Variants in MRPL14 observed in about 807,000 individuals in gnomAD.
The protein encoded by MRPL14 is mitochondrial ribosomal protein L14, also known as large ribosomal subunit protein uL14m.
In MRPL14, 8 loss-of-function variants were observed where a neutral mutation model predicts 10.9. The ratio of observed to expected loss-of-function variants is 0.74; its 90% CI spans 0.43 to 1.33. MRPL14 has a LOEUF of 1.33. MRPL14 is among the 40% of genes most tolerant of loss of function. The pLI, the probability that MRPL14 is intolerant of heterozygous loss-of-function variation, is 0.01. For missense variants in MRPL14, 179 were observed against 194.5 expected, an observed-to-expected ratio of 0.92 and a Z score of 0.47; for synonymous variants, 82 against 74.1, an observed-to-expected ratio of 1.11 and a Z score of -0.54.
chr6:44,127,168 AC>A (rs72348651), intron 1 of MRPL14, 175 bp downstream of exon 1: 7,368 of 79,482 alleles, frequency 0.093, 443 homozygotes, highest in East Asian at 0.28. Context: ...CCCCGTCGGG[AC>A]CCCCCTCCCC....
chr6:44,123,804 G>A (rs1411613746), intron 1 of MRPL14, among the ~76,000 whole-genome samples: 3 of 152,138 alleles, frequency 2.0e-5, no homozygotes, highest in Non-Finnish European at 4.4e-5. Flanking sequence ...TCAGGGGTTG[G>A]GGATTGCAGT....
At position 44,114,113 on chromosome 6, in the gene MRPL14, G is replaced by GC; in HGVS notation, c.167dup (p.Cys57LeufsTer6). ...CATTCTTCTTATAGACATGGATGCA[G>GC]CGAGGAGCCCGATGGTATGGGCTGT... On this transcript the variant is annotated frameshift_variant, in exon 3 of 3. Transcript: ENST00000372014. LOFTEE classifies it high-confidence loss of function. 1 of 1,614,200 alleles carries GC rather than the reference G, an allele frequency of 6.2e-7. No homozygotes were observed. Among genetic ancestry groups the GC allele is most frequent in the Non-Finnish European group, 8.5e-7 (1 of 1,180,044 alleles).
intron 1 of MRPL14, 129 bp from the exon 2 acceptor site, chr6:44,116,758 A>G: frequency 1.5e-6 from 1 of 655,456 alleles, no homozygotes; most frequent in East Asian, 2.8e-5. Flanking sequence ...TATAAATCTT[A>G]GTGGTTAAAG....
At chr6:44,122,284 T>C (rs896051176) in intron 1 of MRPL14, among the ~76,000 whole-genome samples, 1 of 152,046 alleles carries the variant, frequency 6.6e-6, no homozygotes, top group East Asian at 1.9e-4. Flanking sequence ...GGGGTTTCAC[T>C]GTGTTAGCCA....
In MRPL14 at chr6:44,114,085, C is replaced by T. The variant is rs1775598244; in HGVS notation, c.196G>A (p.Val66Met). 1.2e-6 allele frequency: 2 copies of T among 1,614,116 alleles called. No homozygotes were observed. Among genetic ancestry groups the T allele is most frequent in the East Asian group, 2.2e-5 (1 of 44,898 alleles). ...AGTATCTGGTCGCCCACCTTGCCCA[C>T]TCCATTCTTCTTATAGACATGGATG... ...RCIHVYKKNG[V>M]GKVGDQILLA... The change falls in exon 3 of 3, where the codon GTG (valine) becomes ATG (methionine). Residue 66 changes from valine (V) to methionine (M), a missense_variant. Coordinates refer to ENST00000372014, the MANE Select transcript of MRPL14 (RefSeq NM_032111.4).
Position 44,114,212 on chromosome 6 carries a change from G to A in MRPL14, c.72-3C>T. 6.3e-7 allele frequency: 1 copy of A among 1,599,794 alleles called. No individual in the cohort carries two copies. The highest frequency in any genetic ancestry group is 2.2e-5 in the East Asian group (1 of 44,600). ...TCGCACTCAGACTCCCAGTGGTGCT[G>A]GTGGGAGGAAAAAAAAAAGTCTGCA... On this transcript the variant is annotated splice_region_variant and splice_polypyrimidine_tract_variant and intron_variant, in intron 2 of 2. Transcript: ENST00000372014.
intron 1 of MRPL14, among the ~76,000 whole-genome samples, chr6:44,120,841 T>C (rs963690331): frequency 3.9e-5 from 6 of 152,138 alleles, no homozygotes; most frequent in African/African-American, 7.2e-5. Flanking sequence ...ATCTGTATTT[T>C]TGGAATCAGG....
chr6:44,115,906 T>A (rs1775802283), intron 2 of MRPL14, among the ~76,000 whole-genome samples: 1 of 152,146 alleles, frequency 6.6e-6, no homozygotes, highest in South Asian at 2.1e-4. Flanking sequence ...TGTACAATCC[T>A]CTATTATAAT....
chr6:44,119,556 T>G (rs1365686773), intron 1 of MRPL14, among the ~76,000 whole-genome samples: 2 of 151,984 alleles, frequency 1.3e-5, no homozygotes, highest in Non-Finnish European at 2.9e-5. Flanking sequence ...TGACGTCACA[T>G]GCACATTTTA....
At chr6:44,122,433 C>G (rs978953932) in intron 1 of MRPL14, among the ~76,000 whole-genome samples, 2 of 152,180 alleles carry the variant, frequency 1.3e-5, no homozygotes, top group Non-Finnish European at 2.9e-5. Context: ...CACAAAGAAC[C>G]TGTACCTCTG....
chr6:44,115,355 C>T (rs1775741607), intron 2 of MRPL14, among the ~76,000 whole-genome samples: 1 of 152,142 alleles, frequency 6.6e-6, no homozygotes. Context: ...AGGTCCCAAA[C>T]TCATCTCACT....
chr6:44,120,469 T>G (rs1222847546), intron 1 of MRPL14, among the ~76,000 whole-genome samples: 1 of 152,204 alleles, frequency 6.6e-6, no homozygotes, highest in Non-Finnish European at 1.5e-5. Flanking sequence ...GAGTGATATA[T>G]TCATGTCTCT....
chr6:44,120,926 C>T (rs1367750881), intron 1 of MRPL14, among the ~76,000 whole-genome samples: 1 of 152,170 alleles, frequency 6.6e-6, no homozygotes, highest in Non-Finnish European at 1.5e-5. Context: ...TGTTTCCAGG[C>T]CCCCTGGACT....
At chr6:44,115,864 T>C (rs1775794199) in intron 2 of MRPL14, among the ~76,000 whole-genome samples, 2 of 152,224 alleles carry the variant, frequency 1.3e-5, no homozygotes, top group Admixed American at 1.3e-4. Context: ...CTTCCTCCAC[T>C]AGCAGCTCCT....
intron 1 of MRPL14, among the ~76,000 whole-genome samples, chr6:44,122,223 C>G (rs1259464916): frequency 5.3e-5 from 8 of 152,136 alleles, no homozygotes; most frequent in Non-Finnish European, 1.0e-4. Flanking sequence ...GCTGGGACTA[C>G]AGGCGCCTGC....
At position 44,116,647 on chromosome 6, in the gene MRPL14, G is replaced by A. The variant is rs1194703073; in HGVS notation, c.-18-18C>T. 6.3e-7 allele frequency: 1 copy of A among 1,599,836 alleles called. No individual in the cohort carries two copies. The highest frequency in any genetic ancestry group is 1.7e-5 in the Admixed American group (1 of 59,576). ...GATAGATCCTGCAGGAAAAACGAGA[G>A]GGGGAAAAATTGGTTTCTAAGTCAG... On this transcript the variant is annotated intron_variant, in intron 1 of 2. Coordinates refer to ENST00000372014, the MANE Select transcript of MRPL14 (RefSeq NM_032111.4).
At chr6:44,124,582 A>C (rs1582727121) in intron 1 of MRPL14, among the ~76,000 whole-genome samples, 1 of 152,242 alleles carries the variant, frequency 6.6e-6, no homozygotes, top group African/African-American at 2.4e-5. Flanking sequence ...TGGACATGGT[A>C]AATTACTTCC....
At chr6:44,126,384 T>C (rs1436819447) in intron 1 of MRPL14, among the ~76,000 whole-genome samples, 2 of 152,216 alleles carry the variant, frequency 1.3e-5, no homozygotes, top group Non-Finnish European at 2.9e-5. Flanking sequence ...AAATCAAACC[T>C]TACAGTTGCA....
At chr6:44,126,232 TCA>T (rs1328530233) in intron 1 of MRPL14, among the ~76,000 whole-genome samples, 1 of 152,170 alleles carries the variant, frequency 6.6e-6, no homozygotes, top group South Asian at 2.1e-4. Context: ...CCTAGTACAC[TCA>T]CACGTGTGTG....
Sources: gnomAD v4.1 joint callset for allele counts (sites outside exome capture counted in the v4.1 genomes callset) on GRCh38, gnomAD v4.1.1 for gene constraint, MANE v1.5 for transcripts, NCBI Gene and HGNC (gene_info 2026-07-23, HGNC 2026-07-21) for gene names.